The following LRRC4B variants were observed in gnomAD, a reference collection of about 807,000 sequenced individuals.
LRRC4B encodes the protein leucine rich repeat containing 4B, also known as leucine-rich repeat-containing protein 4B.
A neutral mutation model predicts 7.3 loss-of-function variants in LRRC4B; 1 was observed. The ratio of observed to expected loss-of-function variants is 0.14; its 90% CI spans 0.05 to 0.65. The LOEUF (loss-of-function observed/expected upper bound fraction) is 0.65, where lower values mean the gene tolerates loss of function less well. LRRC4B is among the 30% of genes least tolerant of loss of function. The pLI, the probability that LRRC4B is intolerant of heterozygous loss-of-function variation, is 0.84. For synonymous variants in LRRC4B, 500 were observed against 499.2 expected, an observed-to-expected ratio of 1.00 and a Z score of -0.02; for missense variants, 730 against 1,041.6, an observed-to-expected ratio of 0.70 and a Z score of 4.12.
In LRRC4B at chr19:50,518,369, C is replaced by T. The variant is rs369881186; in HGVS notation, c.1344G>A (p.Ser448=). The T allele has an allele frequency of 1.6e-5, 26 of 1,598,878 alleles. No individual in the cohort carries two copies. The African/African-American group carries it at 2.9e-4, about 18-fold the overall frequency. Residue 448 remains serine, a synonymous_variant, in exon 3 of 3, where the codon TCG becomes TCA. Coordinates refer to ENST00000652263, the MANE Select transcript of LRRC4B (RefSeq NM_001080457.2). ...CCACGGCCGAGACGTTGAGCGTGGCCGAGGCGGTGGTGTTGCCGGCTGAGT... is the reference window on the plus strand; with the variant it reads ...CCACGGCCGAGACGTTGAGCGTGGCTGAGGCGGTGGTGTTGCCGGCTGAGT... ...VTNSAGNTTA[S]ATLNVSAVDP... is the part of the protein sequence containing the mutation.
In LRRC4B at chr19:50,563,095, C is replaced by A. The variant is rs562601251; in HGVS notation, c.-36+4849G>T. ...ATCCCAGATACTACCAGACACCCCC[C>A]ATTCTCACTCTCAGCAGCCCTCCTG... On this transcript the variant is annotated intron_variant, in intron 1 of 2. Coordinates refer to ENST00000652263, the MANE Select transcript of LRRC4B (RefSeq NM_001080457.2). The surrounding 1 kb of genome is among the most constrained non-coding windows in gnomAD (Gnocchi z 4.9). Among the ~76,000 whole-genome samples, 4 of 152,128 alleles carry A rather than the reference C, an allele frequency of 2.6e-5. No individual in the cohort carries two copies. The highest frequency in any genetic ancestry group is 6.5e-5 in the Admixed American group (1 of 15,268).
chr19:50,546,259 C>T (rs1279543182), intron 2 of LRRC4B, among the ~76,000 whole-genome samples: 6 of 152,028 alleles, frequency 3.9e-5, no homozygotes, highest in Non-Finnish European at 7.4e-5. Context: ...CGCTTGAACC[C>T]GGGAGGTGGA....
intron 2 of LRRC4B, among the ~76,000 whole-genome samples, chr19:50,529,756 T>C (rs961015721): frequency 1.3e-5 from 2 of 152,152 alleles, no homozygotes; most frequent in East Asian, 1.9e-4. Context: ...GAGCTGAGAC[T>C]GCCACTGCGC....
At chr19:50,560,866 A>G (rs1982438085) in intron 1 of LRRC4B, among the ~76,000 whole-genome samples, 1 of 152,118 alleles carries the variant, frequency 6.6e-6, no homozygotes, top group Admixed American at 6.5e-5. Flanking sequence ...AGACGGGCGG[A>G]TCGCTTGAGG....
chr19:50,555,774 G>C lies in LRRC4B; in HGVS notation c.-35-6901C>G, dbSNP rs1428533483. On this transcript the variant is annotated intron_variant, in intron 1 of 2. Transcript: ENST00000652263. This position sits in a 1 kb window ranked among gnomAD's most constrained non-coding sequence, Gnocchi z 5.2. The stretch of plus-strand genomic sequence containing the variant: ...TCCTGTCAGGCGCACTCATTTTTTG[G>C]GGTGGGGTGGGGGGCTAAATTCAGA... 1 of 152,312 alleles carries C rather than the reference G, an allele frequency of 6.6e-6. No individual in the cohort carries two copies. The highest frequency in any genetic ancestry group is 1.5e-5 in the Non-Finnish European group (1 of 68,168). 9.4% of individuals were successfully genotyped at this position (152,312 alleles called of 1,614,324 possible).
intron 2 of LRRC4B, among the ~76,000 whole-genome samples, chr19:50,547,920 C>T (rs1347615006): frequency 2.0e-5 from 3 of 152,040 alleles, no homozygotes; most frequent in African/African-American, 7.2e-5. Context: ...TTCTCAGCCT[C>T]TCTGCTCTCC....
At chr19:50,565,598 T>C (rs1982604551) in intron 1 of LRRC4B, among the ~76,000 whole-genome samples, 1 of 151,664 alleles carries the variant, frequency 6.6e-6, no homozygotes, top group Non-Finnish European at 1.5e-5. Flanking sequence ...ACGTGCCCCG[T>C]GTCTTCCTCG....
intron 2 of LRRC4B, among the ~76,000 whole-genome samples, chr19:50,541,368 C>CAA (rs71332010): frequency 0.11 from 8,509 of 74,814 alleles, 560 homozygotes; most frequent in Middle Eastern, 0.18. Flanking sequence ...GACTCTATCT[C>CAA]AAAAAAAAAA....
intron 2 of LRRC4B, among the ~76,000 whole-genome samples, chr19:50,538,071 CTTTT>C (rs1981368849): frequency 6.6e-6 from 1 of 151,956 alleles, no homozygotes; most frequent in Non-Finnish European, 1.5e-5. Flanking sequence ...TCTTTTTTGC[CTTTT>C]TTGAGATGGA....
chr19:50,541,386 A>AG (rs1491291584), intron 2 of LRRC4B, among the ~76,000 whole-genome samples: 81 of 78,374 alleles, frequency 1.0e-3, no homozygotes, highest in African/African-American at 3.4e-3. Context: ...AAAAAAAAAG[A>AG]AAAAGAAAAA....
intron 2 of LRRC4B, among the ~76,000 whole-genome samples, chr19:50,527,740 C>T (rs560091073): frequency 0.014 from 1,277 of 92,206 alleles, 10 homozygotes; most frequent in Admixed American, 0.025. Context: ...TTCTCTCTTT[C>T]TTTTCTTTTT....
At position 50,556,311 on chromosome 19, in the gene LRRC4B, A is replaced by AG. The variant is rs774186040; in HGVS notation, c.-35-7439dup. ...GGGGGTGAGGTGGTGACTTGCTTGG[A>AG]GGGGGGCTGTCCTTTCCCGTGCAGC... On this transcript the variant is annotated intron_variant, in intron 1 of 2. Transcript: ENST00000652263. This position sits in a 1 kb window ranked among gnomAD's most constrained non-coding sequence, Gnocchi z 4.2. 2.0e-4 allele frequency among the ~76,000 whole-genome samples: 30 copies of AG among 150,524 alleles called. No homozygotes were observed. The highest frequency in any genetic ancestry group is 3.6e-4 in the Non-Finnish European group (24 of 67,560).
rs1364865735 is a variant in LRRC4B at position 50,548,959 on chromosome 19, C to G, written c.-35-86G>C. 2 of 692,126 alleles carry G rather than the reference C, an allele frequency of 2.9e-6. No homozygotes were observed. The highest frequency in any genetic ancestry group is 2.4e-6 in the Non-Finnish European group (1 of 424,806). The allele number at this position is 692,126 out of a possible 1,614,324, so 42.9% of individuals were successfully genotyped here. ...GGTGCTTGCCAACACCCAGGCAGCC[C>G]CATCGCCGCCTCCCTGCCCCATGCC... On this transcript the variant is annotated intron_variant, in intron 1 of 2. Coordinates refer to ENST00000652263, the MANE Select transcript of LRRC4B (RefSeq NM_001080457.2). The surrounding 1 kb of genome is among the most constrained non-coding windows in gnomAD (Gnocchi z 6.8).
intron 2 of LRRC4B, among the ~76,000 whole-genome samples, chr19:50,539,768 TC>T (rs1467371815): frequency 6.6e-6 from 1 of 151,418 alleles, no homozygotes; most frequent in East Asian, 1.9e-4. Context: ...GTGCCTGTAG[TC>T]CCAGCTACTC....
At chr19:50,562,117 CA>C (rs11333930) in intron 1 of LRRC4B, among the ~76,000 whole-genome samples, 95,421 of 130,226 alleles carry the variant, frequency 0.73, 34,930 homozygotes, top group Non-Finnish European at 0.83. Context: ...GACCCTGTCT[CA>C]AAAAAAAAAA....
At chr19:50,552,396 G>T (rs1483838804) in intron 1 of LRRC4B, among the ~76,000 whole-genome samples, 1 of 151,950 alleles carries the variant, frequency 6.6e-6, no homozygotes, top group Admixed American at 6.6e-5. Flanking sequence ...TCCCGTGGCT[G>T]AGGGCCAGCC....
chr19:50,543,940 T>A (rs1458267089), intron 2 of LRRC4B, among the ~76,000 whole-genome samples: 14 of 151,168 alleles, frequency 9.3e-5, no homozygotes, highest in Admixed American at 9.2e-4. Context: ...GTGTGGTGGC[T>A]TGGGCCTGTA....
chr19:50,517,287 ACG>A lies in LRRC4B; in HGVS notation c.*282_*283del. On this transcript the variant is annotated 3_prime_UTR_variant, in exon 3 of 3. Transcript: ENST00000652263. The surrounding 1 kb of genome is among the most constrained non-coding windows in gnomAD (Gnocchi z 6.6). ...CGCTTGGTGGGAGAGCGAGGAGGAAACGCGGAGAACTCAGGCCACTTCTCCTG... is the reference window on the plus strand; with the variant it reads ...CGCTTGGTGGGAGAGCGAGGAGGAAACGGAGAACTCAGGCCACTTCTCCTG... The A allele has an allele frequency of 3.5e-6, 1 of 289,006 alleles. No individual in the cohort carries two copies. The highest frequency in any genetic ancestry group is 6.5e-6 in the Non-Finnish European group (1 of 154,814). The allele number at this position is 289,006 out of a possible 1,614,324, so 17.9% of individuals were successfully genotyped here. A position where few individuals can be genotyped will look rare whatever the true frequency, so the allele number is the denominator to read the frequency against.
At chr19:50,525,281 G>A (rs144527088) in intron 2 of LRRC4B, among the ~76,000 whole-genome samples, 24 of 152,308 alleles carry the variant, frequency 1.6e-4, no homozygotes, top group Non-Finnish European at 3.1e-4. Flanking sequence ...GTGTTCAGGG[G>A]TGCTCAGCAC....
Sources: gnomAD v4.1 joint callset for allele counts (sites outside exome capture counted in the v4.1 genomes callset) on GRCh38, gnomAD v4.1.1 for gene constraint, Gnocchi (gnomAD v3.1) non-coding constraint, MANE v1.5 for transcripts, NCBI Gene and HGNC (gene_info 2026-07-23, HGNC 2026-07-21) for gene names.